Variants in TAFA1 observed in about 807,000 individuals in gnomAD.
The protein encoded by TAFA1 is chemokine-like protein TAFA-1.
TAFA1 carries 4 observed loss-of-function variants against 18.5 expected under a neutral mutation model. That is an observed-to-expected ratio of 0.22 (90% CI 0.11 to 0.49). The LOEUF (loss-of-function observed/expected upper bound fraction) is 0.49, where lower values mean the gene tolerates loss of function less well. Ranked by LOEUF, TAFA1 falls within the 20% of genes least tolerant of loss-of-function variation. TAFA1 has a pLI of 0.98. For missense variants in TAFA1, 147 were observed against 169.0 expected (o/e 0.87, Z 0.72); for synonymous variants, 56 against 55.2 (o/e 1.01, Z -0.06).
intron 3 of TAFA1, among the ~76,000 whole-genome samples, chr3:68,454,070 A>G (rs191647262): frequency 8.3e-4 from 127 of 152,338 alleles, no homozygotes; most frequent in Admixed American, 2.7e-3. Context: ...GTAAATTTAT[A>G]GCACTGACTG....
At chr3:67,995,685 G>T in the TAFA1 span, among the ~76,000 whole-genome samples, 1 of 152,048 alleles carries the variant, frequency 6.6e-6, no homozygotes, top group Non-Finnish European at 1.5e-5. Flanking sequence ...TAGAAGAAGG[G>T]GACAAAGGGG....
chr3:68,159,898 C>T (rs1330491900), intron 2 of TAFA1, among the ~76,000 whole-genome samples: 4 of 152,170 alleles, frequency 2.6e-5, no homozygotes, highest in African/African-American at 4.8e-5. Context: ...GCTGCAAAAT[C>T]GAAGCAGTCT....
At chr3:68,131,278 A>C (rs1162931965) in intron 2 of TAFA1, among the ~76,000 whole-genome samples, 5 of 151,990 alleles carry the variant, frequency 3.3e-5, no homozygotes, top group African/African-American at 7.3e-5. Flanking sequence ...GTAACGTGTA[A>C]TACCCTCTTG....
intron 2 of TAFA1, among the ~76,000 whole-genome samples, chr3:68,413,969 AAGTGACC>A (rs2070764829): frequency 6.6e-6 from 1 of 152,070 alleles, no homozygotes; most frequent in Non-Finnish European, 1.5e-5. Flanking sequence ...GTAACCGTCA[AAGTGACC>A]AGTGTCCATG....
chr3:68,112,499 G>A (rs2065273740), intron 2 of TAFA1, among the ~76,000 whole-genome samples: 1 of 151,752 alleles, frequency 6.6e-6, no homozygotes, highest in Non-Finnish European at 1.5e-5. Context: ...CATTATATTG[G>A]CCAAAACCAT....
chr3:68,145,449 T>C (rs1023554525), intron 2 of TAFA1: 2 of 870,498 alleles, frequency 2.3e-6, no homozygotes, highest in African/African-American at 3.3e-5. Context: ...AAAGGCTTAT[T>C]AGAACAAGGA....
At chr3:68,284,427 T>G (rs555851773) in intron 2 of TAFA1, among the ~76,000 whole-genome samples, 45 of 152,324 alleles carry the variant, frequency 3.0e-4, no homozygotes, top group Admixed American at 9.2e-4. Flanking sequence ...AAAAAAAACT[T>G]TTTGGCAATT....
At chr3:68,170,129 A>G (rs1176173884) in intron 2 of TAFA1, among the ~76,000 whole-genome samples, 1 of 152,166 alleles carries the variant, frequency 6.6e-6, no homozygotes, top group African/African-American at 2.4e-5. Context: ...GATTTATGGA[A>G]TTTTAGTGTG....
At chr3:68,263,005 G>A (rs1352847) in intron 2 of TAFA1, among the ~76,000 whole-genome samples, 45,177 of 152,038 alleles carry the variant, frequency 0.3, 7,483 homozygotes, top group Admixed American at 0.42. Flanking sequence ...CCATCTGGAA[G>A]GACAGTCACC....
At chr3:68,330,251 G>A (rs149432319) in intron 2 of TAFA1, among the ~76,000 whole-genome samples, 3 of 152,266 alleles carry the variant, frequency 2.0e-5, no homozygotes, top group Non-Finnish European at 2.9e-5. Flanking sequence ...TTCAGATTCT[G>A]GTTCAGTTTG....
chr3:68,301,775 A>G (rs1465874620), intron 2 of TAFA1, among the ~76,000 whole-genome samples: 1 of 152,252 alleles, frequency 6.6e-6, no homozygotes, highest in East Asian at 1.9e-4. Context: ...ATGACTGACA[A>G]CTGGTGCTTA....
rs1012505347 is a variant in TAFA1 at position 68,456,128 on chromosome 3, T to C, written c.259+38708T>C. On this transcript the variant is annotated intron_variant, in intron 3 of 4. Coordinates refer to ENST00000478136, the MANE Select transcript of TAFA1 (RefSeq NM_213609.4). ...CCTGACTTCAGGGACAAAGCATCAA[T>C]GGAGCCAATTCAGATAAAAAGGATT... is the stretch of plus-strand genomic sequence containing the variant. 5.3e-5 allele frequency among the ~76,000 whole-genome samples: 8 copies of C among 152,142 alleles called. No individual in the cohort carries two copies. In the South Asian group the frequency reaches 1.0e-3, roughly 20 times the overall value.
chr3:68,504,898 A>C (rs889527542), intron 3 of TAFA1, among the ~76,000 whole-genome samples: 1 of 152,170 alleles, frequency 6.6e-6, no homozygotes, highest in Non-Finnish European at 1.5e-5. Context: ...TCCTGCTAAA[A>C]GTGAGGAGGG....
At chr3:68,289,041 A>G (rs1365306327) in intron 2 of TAFA1, among the ~76,000 whole-genome samples, 2 of 152,250 alleles carry the variant, frequency 1.3e-5, no homozygotes, top group Admixed American at 1.3e-4. Flanking sequence ...TGAAAACCAC[A>G]TATCATAAAT....
chr3:68,282,565 A>C (rs143664140), intron 2 of TAFA1, among the ~76,000 whole-genome samples: 69 of 152,314 alleles, frequency 4.5e-4, no homozygotes, highest in African/African-American at 1.6e-3. Flanking sequence ...AATGTGAGAC[A>C]AGGAAGCACA....
At chr3:68,302,921 T>A (rs1028351646) in intron 2 of TAFA1, among the ~76,000 whole-genome samples, 1 of 152,228 alleles carries the variant, frequency 6.6e-6, no homozygotes, top group Non-Finnish European at 1.5e-5. Context: ...TACTACTAAC[T>A]GTCCATGTGT....
intron 2 of TAFA1, among the ~76,000 whole-genome samples, chr3:68,367,863 T>C (rs2069602964): frequency 6.6e-6 from 1 of 152,050 alleles, no homozygotes; most frequent in Non-Finnish European, 1.5e-5. Flanking sequence ...GACAAAAAAA[T>C]AAAGGACAAC....
chr3:68,209,826 C>A (rs1480812885), intron 2 of TAFA1, among the ~76,000 whole-genome samples: 1 of 151,756 alleles, frequency 6.6e-6, no homozygotes, highest in Non-Finnish European at 1.5e-5. Context: ...GGCATAAAAC[C>A]CACACAATTT....
chr3:68,131,751 G>A (rs979193494), intron 2 of TAFA1, among the ~76,000 whole-genome samples: 23 of 152,208 alleles, frequency 1.5e-4, no homozygotes, highest in Admixed American at 5.9e-4. Context: ...AGCTTTTAGA[G>A]CCCAAGAGCC....
Sources: allele counts gnomAD v4.1 joint callset (sites outside exome capture counted in the v4.1 genomes callset), GRCh38; gene constraint gnomAD v4.1.1; transcripts MANE v1.5; gene names NCBI Gene and HGNC (gene_info 2026-07-23, HGNC 2026-07-21).